The following NSD1 variants were observed in gnomAD, a reference collection of about 807,000 sequenced individuals.
NSD1 encodes histone-lysine N-methyltransferase, H3 lysine-36 specific.
NSD1 carries 26 observed loss-of-function variants against 242.7 expected under a neutral mutation model. The observed-to-expected ratio is 0.11, with a 90% confidence interval of 0.08 to 0.15. NSD1 has a LOEUF of 0.15. NSD1 is among the 10% of genes least tolerant of loss of function. NSD1 has a pLI of 1.00. For missense variants in NSD1, 2,495 were observed against 3,272.8 expected (o/e 0.76, Z 5.80); for synonymous variants, 1,106 against 1,178.1 (o/e 0.94, Z 1.25).
intron 4 of NSD1, among the ~76,000 whole-genome samples, chr5:177,208,554 G>A (rs973643900): frequency 6.8e-6 from 1 of 148,082 alleles, no homozygotes; most frequent in African/African-American, 2.5e-5. Context: ...TTGAGAAAGA[G>A]TCTTGCTCTG....
chr5:177,238,481 C>T lies in NSD1; in HGVS notation c.4166C>T (p.Ser1389Phe), dbSNP rs1765620186. 6.2e-7 allele frequency: 1 copy of T among 1,613,908 alleles called. No homozygotes were observed. Among genetic ancestry groups the T allele is most frequent in the Non-Finnish European group, 8.5e-7 (1 of 1,180,024 alleles). Residue 1389 changes from serine to phenylalanine, a missense_variant, in exon 7 of 23, where the codon TCT becomes TTT. Around this residue, in one of 19 missense-constraint regions of NSD1, gnomAD observed 100 missense variants for 190.7 expected, o/e 0.52. Transcript: ENST00000439151. The surrounding 1 kb of genome is among the most constrained non-coding windows in gnomAD (Gnocchi z 4.6). Reference sequence around the variant, plus strand: ...GTCTCTCCACGGCCTGCCCTTGAGTCTGAGGAATTGCTAGTTAAAACGCCA... The same window carrying T: ...GTCTCTCCACGGCCTGCCCTTGAGTTTGAGGAATTGCTAGTTAAAACGCCA... Reference protein sequence around the residue: ...PEVSPRPALESEELLVKTPGN... With the variant: ...PEVSPRPALEFEELLVKTPGN...
intron 14 of NSD1, among the ~76,000 whole-genome samples, chr5:177,264,340 G>C (rs1198185846): frequency 6.6e-6 from 1 of 152,104 alleles, no homozygotes; most frequent in African/African-American, 2.4e-5. Context: ...TTTAAGTTTA[G>C]TGACATAGTT....
intron 2 of NSD1, chr5:177,137,301 A>AT (rs1223708349): frequency 4.7e-5 from 8 of 170,154 alleles, no homozygotes; most frequent in East Asian, 3.1e-4. Flanking sequence ...AGCAAAGAGA[A>AT]TTTTTTTTGG....
At position 177,167,061 on chromosome 5, in the gene NSD1, T is replaced by A. The variant is rs116694124; in HGVS notation, c.928-24823T>A. ...GGGCAAGGCTGTGCCAGACCTTGAG[T>A]TACTTTTTATATATTGAATGAGGCA... is the stretch of plus-strand genomic sequence containing the variant. On this transcript the variant is annotated intron_variant, in intron 2 of 22. Transcript: ENST00000439151. Among the ~76,000 whole-genome samples the A allele has an allele frequency of 3.1e-3, 469 of 152,074 alleles. 7 individuals are homozygous for A. Among genetic ancestry groups the A allele is most frequent in the Non-Finnish European group, 3.7e-3 (249 of 68,008 alleles).
At position 177,269,620 on chromosome 5, in the gene NSD1, C is replaced by G; in HGVS notation, c.5322C>G (p.Ile1774Met). Reference sequence around the variant, plus strand: ...TTCCCAGGTGGTGGCCAGCTGAGATCTGCCATCCTCGAGCTGTTCCTTCCA... The same window carrying G: ...TTCCCAGGTGGTGGCCAGCTGAGATGTGCCATCCTCGAGCTGTTCCTTCCA... Reference protein sequence around the residue: ...VGRYRWWPAEICHPRAVPSNI... With the variant: ...VGRYRWWPAEMCHPRAVPSNI... Residue 1774 changes from isoleucine (I) to methionine (M), a missense_variant, in exon 16 of 23, where the codon ATC becomes ATG. Physicochemically the swap from Ile to Met is conservative, Grantham distance 10 (BLOSUM62 1). Around this residue, in one of 19 missense-constraint regions of NSD1, gnomAD observed 25 missense variants for 49.7 expected, o/e 0.50. Coordinates refer to ENST00000439151, the MANE Select transcript of NSD1 (RefSeq NM_022455.5). This position sits in a 1 kb window ranked among gnomAD's most constrained non-coding sequence, Gnocchi z 5.1. 6.2e-7 allele frequency: 1 copy of G among 1,614,114 alleles called. No individual in the cohort carries two copies.
intron 2 of NSD1, among the ~76,000 whole-genome samples, chr5:177,186,822 C>T (rs199640112): frequency 6.6e-6 from 1 of 152,040 alleles, no homozygotes; most frequent in East Asian, 1.9e-4. Context: ...GACCTGTGTT[C>T]TGGGTGTGGT....
At chr5:177,264,392 T>C (rs1032606745) in intron 14 of NSD1, among the ~76,000 whole-genome samples, 2 of 152,228 alleles carry the variant, frequency 1.3e-5, no homozygotes, top group African/African-American at 4.8e-5. Context: ...AGTTTTAGCA[T>C]AGTATCTAAG....
chr5:177,198,272 C>T (rs1350744170), intron 3 of NSD1, among the ~76,000 whole-genome samples: 2 of 152,238 alleles, frequency 1.3e-5, no homozygotes, highest in South Asian at 2.1e-4. Flanking sequence ...GTGATCCTCC[C>T]GCCTTGGCCT....
intron 2 of NSD1, among the ~76,000 whole-genome samples, chr5:177,143,551 A>G (rs1372994131): frequency 6.6e-6 from 1 of 151,852 alleles, no homozygotes; most frequent in Non-Finnish European, 1.5e-5. Flanking sequence ...TGAACTCCTG[A>G]CCTTATGGTC....
chr5:177,196,204 C>T (rs1762092199), intron 3 of NSD1, among the ~76,000 whole-genome samples: 1 of 152,114 alleles, frequency 6.6e-6, no homozygotes, highest in Non-Finnish European at 1.5e-5. Flanking sequence ...AGATATGGGA[C>T]AAAGTGTTCA....
intron 2 of NSD1, among the ~76,000 whole-genome samples, chr5:177,172,301 A>C (rs75174032): frequency 0.025 from 3,873 of 152,038 alleles, 51 homozygotes; most frequent in African/African-American, 0.029. Context: ...TTGAGTTGGG[A>C]GTTAGAGACA....
chr5:177,249,515 G>A (rs2149901480), intron 11 of NSD1, among the ~76,000 whole-genome samples: 1 of 152,082 alleles, frequency 6.6e-6, no homozygotes, highest in South Asian at 2.1e-4. Context: ...CGGCCAGGCT[G>A]CAGTGCAGTG....
chr5:177,235,624 T>G (rs1765382708), intron 5 of NSD1, among the ~76,000 whole-genome samples, 197 bp from the exon 6 acceptor site: 1 of 152,174 alleles, frequency 6.6e-6, no homozygotes. Context: ...GTAACACAAG[T>G]CCTTTTGTCT....
chr5:177,277,147 A>G (rs79409714), intron 17 of NSD1, among the ~76,000 whole-genome samples: 1 of 149,454 alleles, frequency 6.7e-6, no homozygotes, highest in African/African-American at 2.5e-5. Context: ...TTTTTTTTTA[A>G]TAAACATTTC....
intron 2 of NSD1, among the ~76,000 whole-genome samples, chr5:177,185,311 T>C (rs749129185): frequency 4.0e-5 from 6 of 151,656 alleles, no homozygotes; most frequent in Non-Finnish European, 8.8e-5. Context: ...CTACAAAAAA[T>C]ATAAATGCCA....
intron 8 of NSD1, 55 bp downstream of exon 8, chr5:177,239,920 A>T: frequency 8.7e-7 from 1 of 1,146,744 alleles, no homozygotes; most frequent in Non-Finnish European, 1.3e-6. Context: ...GAGAAATTTT[A>T]AAAATGACAT....
At chr5:177,276,210 C>T (rs1200242754) in intron 17 of NSD1, among the ~76,000 whole-genome samples, 2 of 152,210 alleles carry the variant, frequency 1.3e-5, no homozygotes, top group African/African-American at 2.4e-5. Context: ...GGATTACAGG[C>T]GTGAGCTACG....
chr5:177,265,578 T>G lies in NSD1; in HGVS notation c.5147-1984T>G, dbSNP rs955937664. The G allele has an allele frequency of 1.0e-4, 123 of 1,224,790 alleles. 1 individual carries two copies. Among genetic ancestry groups the G allele is most frequent in the Non-Finnish European group, 1.4e-4 (118 of 828,946 alleles). 75.9% of individuals were successfully genotyped at this position (1,224,790 alleles called of 1,614,324 possible). A position where few individuals can be genotyped will look rare whatever the true frequency, so the allele number is the denominator to read the frequency against. On this transcript the variant is annotated intron_variant, in intron 14 of 22. Transcript: ENST00000439151. ...GGCGGGAGAGCCGGGCCTCAGCACA[T>G]CCTGTAGTCTGTGGAGCAGGACAGG...
chr5:177,269,528 T>C lies in NSD1; in HGVS notation c.5304-74T>C, dbSNP rs1757789676. The stretch of plus-strand genomic sequence containing the variant: ...AGACAGACATTGCTAATCCTTACTT[T>C]TATATGAGTAGGTTATTTTCCTAAT... On this transcript the variant is annotated intron_variant, in intron 15 of 22. Transcript: ENST00000439151. The surrounding 1 kb of genome is among the most constrained non-coding windows in gnomAD (Gnocchi z 5.1). 1 of 1,324,088 alleles carries C rather than the reference T, an allele frequency of 7.6e-7. No homozygotes were observed. Among genetic ancestry groups the C allele is most frequent in the South Asian group, 1.2e-5 (1 of 83,208 alleles). The allele number at this position is 1,324,088 out of a possible 1,614,324, so 82.0% of individuals were successfully genotyped here. A position where few individuals can be genotyped will look rare whatever the true frequency, so the allele number is the denominator to read the frequency against.
Sources: gnomAD v4.1 joint callset for allele counts (sites outside exome capture counted in the v4.1 genomes callset) on GRCh38, gnomAD v4.1.1 for gene constraint, gnomAD v4.1.1 regional missense constraint, Gnocchi (gnomAD v3.1) non-coding constraint, MANE v1.5 for transcripts, NCBI Gene and HGNC (gene_info 2026-07-23, HGNC 2026-07-21) for gene names.